Variants in RPS6KA6 observed in about 807,000 individuals in gnomAD.
RPS6KA6 encodes ribosomal protein S6 kinase alpha-6.
A neutral mutation model predicts 65.4 loss-of-function variants in RPS6KA6; 27 were observed. The observed-to-expected ratio is 0.41, with a 90% CI of 0.30 to 0.57. RPS6KA6 has a LOEUF of 0.57. Ranked by LOEUF, RPS6KA6 falls within the 20% of genes least tolerant of loss-of-function variation. RPS6KA6 has a pLI of 0.24. For synonymous variants in RPS6KA6, 190 were observed against 184.2 expected, an observed-to-expected ratio of 1.03 and a Z score of -0.26; for missense variants, 486 against 555.6, an observed-to-expected ratio of 0.87 and a Z score of 1.26.
rs756148747 is a variant in RPS6KA6, at chrX:84,116,304, T to C, written c.950-17A>G. 2.0e-6 allele frequency: 2 copies of C among 1,006,764 alleles called. No individual in the cohort carries two copies. Among genetic ancestry groups the C allele is most frequent in the Admixed American group, 2.8e-5 (1 of 35,685 alleles). 83.0% of individuals were successfully genotyped at this position (1,006,764 alleles called of 1,213,427 possible). A position where few individuals can be genotyped will look rare whatever the true frequency, so the allele number is the denominator to read the frequency against. On this transcript the variant is annotated splice_polypyrimidine_tract_variant and intron_variant, in intron 11 of 21. Transcript: ENST00000262752. ...CTTCTGATCCTATAAAAAAAAGAAATGATATTTTATTTTTATGATTTTTTT... is the reference window on the plus strand; with the variant it reads ...CTTCTGATCCTATAAAAAAAAGAAACGATATTTTATTTTTATGATTTTTTT...
chrX:84,066,352 A>AC (rs1337167410), intron 20 of RPS6KA6, among the ~76,000 whole-genome samples: 1 of 103,918 alleles, frequency 9.6e-6, no homozygotes, highest in Non-Finnish European at 2.0e-5. Context: ...CAAGCTAAGA[A>AC]CCACTGGCTT....
At chrX:84,088,680 C>A (rs930306423) in intron 20 of RPS6KA6, among the ~76,000 whole-genome samples, 3 of 112,024 alleles carry the variant, frequency 2.7e-5, no homozygotes, top group Non-Finnish European at 5.6e-5. Flanking sequence ...GGGAACCCTT[C>A]CTTGTCCTGA....
At chrX:84,179,339 T>C (rs1177809223) in intron 1 of RPS6KA6, among the ~76,000 whole-genome samples, 1 of 111,394 alleles carries the variant, frequency 9.0e-6, no homozygotes, top group Non-Finnish European at 1.9e-5. Context: ...TTACCCAATA[T>C]AAGTGAAAAG....
intron 1 of RPS6KA6, among the ~76,000 whole-genome samples, chrX:84,166,644 A>G (rs192887852): frequency 3.4e-4 from 38 of 111,408 alleles, no homozygotes; most frequent in African/African-American, 1.2e-3. Context: ...CCCATAAAAT[A>G]ACAGAGTAAT....
chrX:84,143,533 A>C (rs966390823), intron 6 of RPS6KA6, among the ~76,000 whole-genome samples: 4 of 111,615 alleles, frequency 3.6e-5, no homozygotes, highest in African/African-American at 1.3e-4. Flanking sequence ...GCGAGAAATT[A>C]AAGATGACCT....
chrX:84,106,517 G>A (rs1274612464), intron 14 of RPS6KA6, 30 bp from the exon 15 acceptor site: 2 of 961,924 alleles, frequency 2.1e-6, no homozygotes, highest in Non-Finnish European at 2.9e-6. Flanking sequence ...AAAATACTAA[G>A]GAGAATGAAA....
At chrX:84,172,664 C>T (rs2035704660) in intron 1 of RPS6KA6, among the ~76,000 whole-genome samples, 1 of 111,834 alleles carries the variant, frequency 8.9e-6, no homozygotes, top group Non-Finnish European at 1.9e-5. Flanking sequence ...TATTTGTACA[C>T]CTATGTTCAT....
intron 20 of RPS6KA6, among the ~76,000 whole-genome samples, chrX:84,089,931 T>A (rs948821039): frequency 1.5e-4 from 17 of 112,502 alleles, no homozygotes; most frequent in African/African-American, 5.2e-4. Context: ...GGTTTCTTAT[T>A]TTTAATGTCC....
intron 20 of RPS6KA6, among the ~76,000 whole-genome samples, chrX:84,093,229 T>A (rs757233260): frequency 3.2e-4 from 36 of 111,924 alleles, no homozygotes; most frequent in Non-Finnish European, 5.8e-4. Flanking sequence ...TACAAGTTAA[T>A]CTTTTTAAAA....
At position 84,146,970 on chromosome X, in the gene RPS6KA6, T is replaced by C; in HGVS notation, c.421+8A>G. ...AAATAAATAAAAGAATAAAAAAAGA[T>C]TACATACCATAGTGCAATTTGACAA... On this transcript the variant is annotated splice_region_variant and intron_variant, in intron 5 of 21. Coordinates refer to ENST00000262752, the MANE Select transcript of RPS6KA6 (RefSeq NM_014496.5). 9.8e-7 allele frequency: 1 copy of C among 1,018,363 alleles called. No individual in the cohort carries two copies. 83.9% of individuals were successfully genotyped at this position (1,018,363 alleles called of 1,213,427 possible). A position where few individuals can be genotyped will look rare whatever the true frequency, so the allele number is the denominator to read the frequency against.
intron 1 of RPS6KA6, among the ~76,000 whole-genome samples, chrX:84,180,079 C>T (rs1444408904): frequency 9.0e-6 from 1 of 111,649 alleles, no homozygotes; most frequent in Non-Finnish European, 1.9e-5. Context: ...ATTCAGTCCA[C>T]ATTTCCCCTC....
intron 20 of RPS6KA6, among the ~76,000 whole-genome samples, chrX:84,088,560 G>A (rs1033271352): frequency 7.1e-5 from 8 of 112,044 alleles, no homozygotes; most frequent in African/African-American, 2.6e-4. Context: ...TGTAGGAGGT[G>A]TCTGGAGATC....
chrX:84,140,470 C>A (rs772197257), intron 6 of RPS6KA6, among the ~76,000 whole-genome samples: 1 of 110,540 alleles, frequency 9.0e-6, no homozygotes, highest in Non-Finnish European at 1.9e-5. Context: ...GGCACTGGGG[C>A]TCATGCCTGT....
intron 20 of RPS6KA6, among the ~76,000 whole-genome samples, chrX:84,070,152 ACCAAC>A (rs2033506073): frequency 1.8e-5 from 2 of 112,308 alleles, no homozygotes. Context: ...CAGACTTGGA[ACCAAC>A]CCAAATGCCC....
intron 20 of RPS6KA6, among the ~76,000 whole-genome samples, chrX:84,094,703 T>A (rs2034119762): frequency 9.1e-6 from 1 of 110,219 alleles, no homozygotes. Context: ...ACCTTGCAAG[T>A]GGAGAACTTG....
At chrX:84,142,556 A>G (rs2035124564) in intron 6 of RPS6KA6, among the ~76,000 whole-genome samples, 1 of 111,608 alleles carries the variant, frequency 9.0e-6, no homozygotes, top group Admixed American at 9.5e-5. Flanking sequence ...CAATGAAACC[A>G]AAAGCTGTTT....
chrX:84,164,374 T>G lies in RPS6KA6; in HGVS notation c.95A>C (p.Lys32Thr). Residue 32 changes from lysine to threonine, a missense_variant, in exon 2 of 22, where the codon AAA (lysine) becomes ACA (threonine). By Grantham distance (78) the Lys-to-Thr change is moderately conservative (BLOSUM62 -1). Around this residue, in one of 3 missense-constraint regions of RPS6KA6, gnomAD observed 106 missense variants for 105.0 expected, o/e 1.01. Coordinates refer to ENST00000262752, the MANE Select transcript of RPS6KA6 (RefSeq NM_014496.5). ...CTCTTCCATTGGCTCATCAACCATT[T>G]TAAGACCATTTACCTGAAAAACATT... ...GASSGEVNGLKMVDEPMEEGE... is the reference protein window; with the variant it reads ...GASSGEVNGLTMVDEPMEEGE... 8.4e-7 allele frequency: 1 copy of G among 1,189,500 alleles called. No homozygotes were observed. Among genetic ancestry groups the G allele is most frequent in the Non-Finnish European group, 1.1e-6 (1 of 877,483 alleles).
chrX:84,146,703 C>T lies in RPS6KA6; in HGVS notation c.421+275G>A, dbSNP rs139548455. On this transcript the variant is annotated intron_variant, in intron 5 of 21. Coordinates refer to ENST00000262752, the MANE Select transcript of RPS6KA6 (RefSeq NM_014496.5). ...TAGTCTAAGATTATGAAGTTACAGCCTAGCAAAGTACATAAATACTACCAG... is the reference window on the plus strand; with the variant it reads ...TAGTCTAAGATTATGAAGTTACAGCTTAGCAAAGTACATAAATACTACCAG... 6.7e-3 allele frequency among the ~76,000 whole-genome samples: 752 copies of T among 111,739 alleles called. 3 individuals carry two copies. The highest frequency in any genetic ancestry group is 0.012 in the Non-Finnish European group (643 of 53,053).
intron 20 of RPS6KA6, among the ~76,000 whole-genome samples, chrX:84,079,981 G>C (rs1367643916): frequency 8.9e-6 from 1 of 111,845 alleles, no homozygotes; most frequent in African/African-American, 3.3e-5. Flanking sequence ...TCTACTAAGG[G>C]ACAGACTGCC....
Sources: gnomAD v4.1 joint callset for allele counts (sites outside exome capture counted in the v4.1 genomes callset) on GRCh38, gnomAD v4.1.1 for gene constraint, gnomAD v4.1.1 regional missense constraint, MANE v1.5 for transcripts, NCBI Gene and HGNC (gene_info 2026-07-23, HGNC 2026-07-21) for gene names.